Variants in DSCAM observed in about 807,000 individuals in gnomAD.
DSCAM encodes the protein DS cell adhesion molecule, also known as cell adhesion molecule DSCAM.
A neutral mutation model predicts 217.7 loss-of-function variants in DSCAM; 47 were observed. The observed-to-expected ratio is 0.22, with a 90% CI of 0.17 to 0.28. DSCAM has a LOEUF of 0.28. Among genes scored for constraint, DSCAM ranks in the 10% least tolerant of loss-of-function variants. The pLI is 1.00. For missense variants in DSCAM, 2,080 were observed against 2,618.3 expected, an observed-to-expected ratio of 0.79 and a Z score of 4.49; for synonymous variants, 1,056 against 1,015.3, an observed-to-expected ratio of 1.04 and a Z score of -0.76.
chr21:40,567,177 A>G (rs781126886), intron 3 of DSCAM, among the ~76,000 whole-genome samples: 7 of 152,222 alleles, frequency 4.6e-5, no homozygotes, highest in Non-Finnish European at 8.8e-5. Flanking sequence ...AAATTAAAAC[A>G]ATTGTCATGG....
At chr21:40,047,848 G>T (rs2088866857) in intron 30 of DSCAM, among the ~76,000 whole-genome samples, 1 of 152,188 alleles carries the variant, frequency 6.6e-6, no homozygotes, top group South Asian at 2.1e-4. Flanking sequence ...GCCACTGCTA[G>T]TCCCATCCTG....
At chr21:40,693,771 C>T (rs1021995468) in intron 2 of DSCAM, among the ~76,000 whole-genome samples, 2 of 152,148 alleles carry the variant, frequency 1.3e-5, no homozygotes. Context: ...GTTGATTAGA[C>T]AGCCTGCCCA....
intron 1 of DSCAM, among the ~76,000 whole-genome samples, chr21:40,777,766 T>TA (rs2091501829): frequency 6.6e-6 from 1 of 152,036 alleles, no homozygotes; most frequent in African/African-American, 2.4e-5. Flanking sequence ...AAATATGTAT[T>TA]AAAAATCCCA....
chr21:40,052,245 G>T, intron 29 of DSCAM, 138 bp from the exon 30 acceptor site: 1 of 947,324 alleles, frequency 1.1e-6, no homozygotes, highest in Non-Finnish European at 1.5e-6. Context: ...TGACAAAAAT[G>T]ATTGAAAATT....
chr21:40,674,466 T>C (rs1322624633), intron 3 of DSCAM, among the ~76,000 whole-genome samples: 1 of 152,144 alleles, frequency 6.6e-6, no homozygotes, highest in Middle Eastern at 3.2e-3. Flanking sequence ...CATTATAGAA[T>C]ATTTTAAACA....
intron 1 of DSCAM, among the ~76,000 whole-genome samples, chr21:40,738,755 CA>C (rs1403464714): frequency 6.6e-6 from 1 of 152,222 alleles, no homozygotes; most frequent in Non-Finnish European, 1.5e-5. Context: ...TGCTGCCAGT[CA>C]GGGGACCACA....
intron 8 of DSCAM, among the ~76,000 whole-genome samples, chr21:40,320,624 G>A (rs889115044): frequency 6.6e-6 from 1 of 152,166 alleles, no homozygotes; most frequent in Non-Finnish European, 1.5e-5. Flanking sequence ...CGTGGCTGGG[G>A]GAGCCTCACA....
intron 3 of DSCAM, among the ~76,000 whole-genome samples, chr21:40,663,133 G>A (rs57669189): frequency 0.043 from 2,226 of 52,362 alleles, 43 homozygotes; most frequent in African/African-American, 0.073. Flanking sequence ...GTCATGTGGT[G>A]TGTGCATGTA....
intron 18 of DSCAM, among the ~76,000 whole-genome samples, chr21:40,134,747 G>A (rs1449219836): frequency 6.6e-6 from 1 of 152,198 alleles, no homozygotes; most frequent in Non-Finnish European, 1.5e-5. Flanking sequence ...AAAACAAGCT[G>A]CATGTCTGAA....
intron 11 of DSCAM, among the ~76,000 whole-genome samples, chr21:40,244,253 C>A (rs1163832152): frequency 6.6e-6 from 1 of 152,100 alleles, no homozygotes; most frequent in African/African-American, 2.4e-5. Flanking sequence ...GAGTTCGAGA[C>A]CAGACTGGCC....
chr21:40,544,405 A>G (rs2076565430), intron 3 of DSCAM, among the ~76,000 whole-genome samples: 1 of 152,180 alleles, frequency 6.6e-6, no homozygotes, highest in African/African-American at 2.4e-5. Context: ...TTGCAGATGT[A>G]ATTAGTTAAG....
At chr21:40,065,226 A>G (rs1254171840) in intron 27 of DSCAM, among the ~76,000 whole-genome samples, 1 of 152,126 alleles carries the variant, frequency 6.6e-6, no homozygotes, top group African/African-American at 2.4e-5. Context: ...GGAAGCAGCA[A>G]TCTTGGGAGA....
intron 11 of DSCAM, among the ~76,000 whole-genome samples, chr21:40,205,931 A>T (rs9984698): frequency 3.3e-5 from 5 of 151,848 alleles, no homozygotes; most frequent in Non-Finnish European, 5.9e-5. Flanking sequence ...TTATGCAATA[A>T]GTATTGGAGG....
At chr21:40,088,642 C>T (rs536539802) in intron 21 of DSCAM, among the ~76,000 whole-genome samples, 2 of 152,322 alleles carry the variant, frequency 1.3e-5, no homozygotes, top group African/African-American at 2.4e-5. Context: ...CAGTCATTGA[C>T]ATTTCTGATT....
At chr21:40,331,554 G>A (rs754955021) in intron 8 of DSCAM, among the ~76,000 whole-genome samples, 3 of 152,124 alleles carry the variant, frequency 2.0e-5, no homozygotes, top group Non-Finnish European at 2.9e-5. Flanking sequence ...GGATTTTAAC[G>A]TCAAAATGTG....
intron 3 of DSCAM, among the ~76,000 whole-genome samples, chr21:40,421,267 G>T (rs1315580911): frequency 6.6e-6 from 1 of 152,144 alleles, no homozygotes; most frequent in Non-Finnish European, 1.5e-5. Flanking sequence ...CACCCCTGAC[G>T]TTAGAACCTG....
intron 3 of DSCAM, among the ~76,000 whole-genome samples, chr21:40,596,950 A>G (rs2077025804): frequency 6.6e-6 from 1 of 152,204 alleles, no homozygotes; most frequent in Non-Finnish European, 1.5e-5. Flanking sequence ...ATGTTATATT[A>G]AAAATAAAAT....
chr21:40,677,233 A>G (rs556128129), intron 3 of DSCAM, among the ~76,000 whole-genome samples: 15 of 152,314 alleles, frequency 9.8e-5, no homozygotes, highest in African/African-American at 3.6e-4. Context: ...TGTGTGCATA[A>G]AAAGAAGCAG....
At chr21:40,083,855 G>C in intron 24 of DSCAM, 53 bp downstream of exon 24, 1 of 1,430,518 alleles carries the variant, frequency 7.0e-7, no homozygotes, top group Non-Finnish European at 9.7e-7. Flanking sequence ...TCACTTATTG[G>C]CATGTGGATC....
Sources: allele counts gnomAD v4.1 joint callset (sites outside exome capture counted in the v4.1 genomes callset), GRCh38; gene constraint gnomAD v4.1.1; transcripts MANE v1.5; gene names NCBI Gene and HGNC (gene_info 2026-07-23, HGNC 2026-07-21).